SUGCT: variants seen among roughly 807,000 people sequenced by gnomAD.
SUGCT encodes the protein succinyl-CoA:glutarate-CoA transferase.
Under a neutral mutation model 55.0 loss-of-function variants are expected in SUGCT, and 41 were observed. That is an observed-to-expected ratio of 0.74 (90% CI 0.58 to 0.97). The LOEUF is 0.97. SUGCT is among the 50% of genes least tolerant of loss of function. The pLI is 0.00. For synonymous variants in SUGCT, 187 were observed against 200.4 expected (o/e 0.93, Z 0.56); for missense variants, 568 against 547.8 (o/e 1.04, Z -0.37).
chr7:40,338,864 C>G (rs979970365), intron 9 of SUGCT, among the ~76,000 whole-genome samples: 3 of 152,212 alleles, frequency 2.0e-5, no homozygotes, highest in Non-Finnish European at 4.4e-5. Context: ...TGTTTTTTCC[C>G]CATCTTTGTG....
At chr7:40,490,827 T>G (rs1287395327) in intron 11 of SUGCT, among the ~76,000 whole-genome samples, 1 of 151,896 alleles carries the variant, frequency 6.6e-6, no homozygotes, top group South Asian at 2.1e-4. Context: ...AAATGTGAAT[T>G]TTTTTTCCCT....
At chr7:40,432,678 TC>T (rs1562772802) in intron 9 of SUGCT, among the ~76,000 whole-genome samples, 1 of 99,624 alleles carries the variant, frequency 1.0e-5, no homozygotes, top group African/African-American at 4.0e-5. Context: ...AGAGTGAGAC[TC>T]CCTCTCAAAA....
chr7:40,142,685 A>C (rs888802632), intron 1 of SUGCT, among the ~76,000 whole-genome samples: 2 of 152,182 alleles, frequency 1.3e-5, no homozygotes, highest in African/African-American at 4.8e-5. Context: ...TGGACACAGC[A>C]CTCAGACCTT....
At chr7:40,808,756 T>C (rs1033572210) in intron 13 of SUGCT, among the ~76,000 whole-genome samples, 2 of 152,330 alleles carry the variant, frequency 1.3e-5, no homozygotes, top group Middle Eastern at 3.4e-3. Flanking sequence ...ATGAATGTAA[T>C]TGTTGTCTCT....
intron 12 of SUGCT, among the ~76,000 whole-genome samples, chr7:40,519,321 T>C (rs566652130): frequency 6.6e-6 from 1 of 152,156 alleles, no homozygotes; most frequent in Admixed American, 6.5e-5. Flanking sequence ...ATAAAGTCTT[T>C]AGTTTAGTTA....
intron 13 of SUGCT, among the ~76,000 whole-genome samples, chr7:40,755,867 C>T (rs1788228641): frequency 1.3e-5 from 2 of 152,164 alleles, no homozygotes; most frequent in South Asian, 4.1e-4. Flanking sequence ...TGCTGGTCCC[C>T]TGATCTGTGT....
chr7:40,909,710 T>C, the SUGCT span, among the ~76,000 whole-genome samples: 9 of 152,336 alleles, frequency 5.9e-5, no homozygotes, highest in African/African-American at 2.2e-4. Flanking sequence ...TTTCAACTAC[T>C]CCACTTGTCT....
At chr7:40,759,170 A>G (rs1164075899) in intron 13 of SUGCT, among the ~76,000 whole-genome samples, 2 of 152,182 alleles carry the variant, frequency 1.3e-5, no homozygotes, top group East Asian at 3.9e-4. Flanking sequence ...TGGGCCTTCA[A>G]GTTCATGTGT....
At chr7:40,865,506 C>T (rs188073195), downstream of SUGCT, among the ~76,000 whole-genome samples, 11 of 152,230 alleles carry the variant, frequency 7.2e-5, 1 homozygote, top group East Asian at 2.1e-3. Context: ...TCACATGCAC[C>T]CAGTTCTAAG....
intron 9 of SUGCT, among the ~76,000 whole-genome samples, chr7:40,350,128 A>T (rs1194954484): frequency 1.3e-5 from 2 of 151,960 alleles, no homozygotes; most frequent in Admixed American, 1.3e-4. Context: ...CTTTATTCTA[A>T]TATTGTTCTT....
intron 12 of SUGCT, among the ~76,000 whole-genome samples, chr7:40,624,272 T>A (rs1304975004): frequency 2.6e-5 from 4 of 152,172 alleles, no homozygotes; most frequent in African/African-American, 4.8e-5. Context: ...AGGACCTTTT[T>A]TAGGTAATCG....
Position 40,188,558 on chromosome 7 carries a change from T to G in SUGCT, c.290T>G (p.Leu97Arg), listed in dbSNP as rs766721841. 3 of 1,607,518 alleles carry G rather than the reference T, an allele frequency of 1.9e-6. No individual in the cohort carries two copies. The highest frequency in any genetic ancestry group is 2.5e-6 in the Non-Finnish European group (3 of 1,177,972). Reference protein sequence around the residue: ...PFVGTESTYYLSVNRNKKSIA... With the variant: ...PFVGTESTYYRSVNRNKKSIA... ...GTTGGGACAGAAAGTACATATTATCTCAGTGTTAACCGAAATAAAAAAGTA... is the reference window on the plus strand; with the variant it reads ...GTTGGGACAGAAAGTACATATTATCGCAGTGTTAACCGAAATAAAAAAGTA... Residue 97 changes from leucine (L) to arginine (R), a missense_variant, in exon 4 of 14, where the codon CTC becomes CGC. By Grantham distance (102) the Leu-to-Arg change is moderately radical. Coordinates refer to ENST00000335693, the MANE Select transcript of SUGCT (RefSeq NM_001193313.2).
intron 12 of SUGCT, among the ~76,000 whole-genome samples, chr7:40,671,557 C>T (rs1010845567): frequency 3.9e-5 from 6 of 152,148 alleles, no homozygotes; most frequent in Admixed American, 2.0e-4. Context: ...AATTGTATGT[C>T]TATATACTAG....
chr7:41,029,210 T>C, the SUGCT span, among the ~76,000 whole-genome samples: 1 of 152,210 alleles, frequency 6.6e-6, no homozygotes, highest in Non-Finnish European at 1.5e-5. Context: ...GACGTGAGCA[T>C]GAGTCACTGA....
chr7:40,423,172 A>G (rs1222859225), intron 9 of SUGCT, among the ~76,000 whole-genome samples: 1 of 152,126 alleles, frequency 6.6e-6, no homozygotes, highest in Non-Finnish European at 1.5e-5. Flanking sequence ...CATCTCTGCT[A>G]ACAGTTATCA....
the SUGCT span, among the ~76,000 whole-genome samples, chr7:40,889,059 G>A: frequency 0.24 from 36,115 of 152,126 alleles, 5,218 homozygotes; most frequent in African/African-American, 0.4. Flanking sequence ...ATGAAAATGC[G>A]CCGGAGCTTG....
chr7:41,000,515 A>G, the SUGCT span, among the ~76,000 whole-genome samples: 1 of 152,022 alleles, frequency 6.6e-6, no homozygotes, highest in African/African-American at 2.4e-5. Context: ...TTTGGTGGAA[A>G]GATACTGGAG....
At chr7:40,477,046 G>A (rs1272438048) in intron 11 of SUGCT, among the ~76,000 whole-genome samples, 1 of 152,042 alleles carries the variant, frequency 6.6e-6, no homozygotes, top group African/African-American at 2.4e-5. Flanking sequence ...ACTCATCTTA[G>A]CTTTAATGTG....
At chr7:40,457,455 T>C (rs532519550) in intron 10 of SUGCT, among the ~76,000 whole-genome samples, 5 of 151,828 alleles carry the variant, frequency 3.3e-5, no homozygotes, top group Non-Finnish European at 5.9e-5. Context: ...AAAAAAAATA[T>C]CTTTTGGGGG....
Sources: allele counts gnomAD v4.1 joint callset (sites outside exome capture counted in the v4.1 genomes callset), GRCh38; gene constraint gnomAD v4.1.1; transcripts MANE v1.5; gene names NCBI Gene and HGNC (gene_info 2026-07-23, HGNC 2026-07-21).